STK32A: variants seen among roughly 807,000 people sequenced by gnomAD.
STK32A encodes the protein serine/threonine kinase 32A.
In STK32A, 41 loss-of-function variants were observed where a neutral mutation model predicts 53.2. The ratio of observed to expected loss-of-function variants is 0.77; its 90% CI spans 0.60 to 1.00. The LOEUF is 1.00. STK32A is among the 50% of genes least tolerant of loss of function. STK32A has a pLI of 0.00. For missense variants in STK32A, 458 were observed against 485.8 expected (o/e 0.94, Z 0.54); for synonymous variants, 166 against 162.8 (o/e 1.02, Z -0.15).
the STK32A span, chr5:147,400,755 T>C: frequency 5.0e-6 from 8 of 1,614,108 alleles, no homozygotes; most frequent in African/African-American, 1.3e-5. Context: ...CAGGAATGGC[T>C]GTGAAGTTGT....
chr5:147,317,212 A>G (rs1290762550), intron 4 of STK32A, among the ~76,000 whole-genome samples: 3 of 151,926 alleles, frequency 2.0e-5, no homozygotes, highest in Non-Finnish European at 4.4e-5. Flanking sequence ...ATTTTTACAA[A>G]CTACAAAGAA....
intron 7 of STK32A, among the ~76,000 whole-genome samples, chr5:147,353,334 A>C (rs1756072630): frequency 6.6e-6 from 1 of 152,250 alleles, no homozygotes; most frequent in African/African-American, 2.4e-5. Flanking sequence ...AAGCATCTAA[A>C]GTAAATGTAA....
At chr5:147,294,670 A>AT (rs945079471) in intron 4 of STK32A, among the ~76,000 whole-genome samples, 17 of 143,714 alleles carry the variant, frequency 1.2e-4, no homozygotes, top group South Asian at 1.0e-3. Context: ...ATATCTAGTC[A>AT]TTTTTTTTTT....
rs750459775 is a variant in STK32A at position 147,367,986 on chromosome 5, C to T, written c.661-2668C>T. Among the ~76,000 whole-genome samples the T allele has an allele frequency of 4.6e-5, 7 of 152,204 alleles. No individual in the cohort carries two copies. In the South Asian group the frequency reaches 6.2e-4, roughly 14 times the overall value. ...AGTGTGCTAAACAATTTCCTCCATA[C>T]GTACAAATTTTTATTTACAGAAAAG... On this transcript the variant is annotated intron_variant, in intron 8 of 12. Transcript: ENST00000397936.
intron 5 of STK32A, among the ~76,000 whole-genome samples, chr5:147,340,094 T>C (rs988869910): frequency 1.3e-5 from 2 of 152,220 alleles, no homozygotes; most frequent in Admixed American, 6.5e-5. Context: ...GAGTGTCTTT[T>C]AGCATGCTCA....
chr5:147,374,491 C>T (rs1378381029), intron 10 of STK32A, among the ~76,000 whole-genome samples: 33 of 151,996 alleles, frequency 2.2e-4, no homozygotes, highest in Admixed American at 6.6e-5. Context: ...CTTACCTCTC[C>T]GCTTTGTGGG....
chr5:147,286,477 C>A (rs533133379), intron 4 of STK32A, among the ~76,000 whole-genome samples: 1 of 152,082 alleles, frequency 6.6e-6, no homozygotes, highest in Admixed American at 6.6e-5. Flanking sequence ...TGGCTTACAC[C>A]CTGGTTTTTC....
chr5:147,269,887 T>C (rs934660391), intron 2 of STK32A, among the ~76,000 whole-genome samples: 1 of 152,234 alleles, frequency 6.6e-6, no homozygotes, highest in Non-Finnish European at 1.5e-5. Context: ...CGTGACTGCA[T>C]ACAGGGAGAT....
At chr5:147,358,299 A>T (rs1414744310) in intron 7 of STK32A, among the ~76,000 whole-genome samples, 2 of 152,176 alleles carry the variant, frequency 1.3e-5, no homozygotes, top group Non-Finnish European at 2.9e-5. Context: ...GTGGGTAAGG[A>T]TGTTCAACAA....
At chr5:147,375,321 C>T in intron 11 of STK32A, 103 bp downstream of exon 11, 1 of 1,427,734 alleles carries the variant, frequency 7.0e-7, no homozygotes, top group Non-Finnish European at 9.3e-7. Flanking sequence ...CCTGCTTTTG[C>T]TGCTTAGTGA....
At chr5:147,286,557 G>A (rs1182548607) in intron 4 of STK32A, among the ~76,000 whole-genome samples, 1 of 152,094 alleles carries the variant, frequency 6.6e-6, no homozygotes, top group Non-Finnish European at 1.5e-5. Flanking sequence ...TGAAACTGCT[G>A]TCTGGAATTT....
chr5:147,332,755 G>T (rs1438757631), intron 5 of STK32A, among the ~76,000 whole-genome samples: 2 of 152,278 alleles, frequency 1.3e-5, no homozygotes, highest in African/African-American at 2.4e-5. Context: ...AGGGTATTAG[G>T]TTGATGTGTT....
intron 4 of STK32A, among the ~76,000 whole-genome samples, chr5:147,305,815 G>A (rs1360762104): frequency 1.3e-5 from 2 of 151,630 alleles, no homozygotes; most frequent in African/African-American, 2.4e-5. Context: ...TGAGACTTTC[G>A]CAGAGTACTA....
At chr5:147,383,631 C>A in intron 12 of STK32A, 126 bp downstream of exon 12, 1 of 901,582 alleles carries the variant, frequency 1.1e-6, no homozygotes, top group Non-Finnish European at 1.7e-6. Flanking sequence ...ATGATGCAAT[C>A]TATTATAGAA....
chr5:147,310,598 C>T lies in STK32A; in HGVS notation c.261-13300C>T, dbSNP rs531140921. On this transcript the variant is annotated intron_variant, in intron 4 of 12. Transcript: ENST00000397936. ...AATCCCATCAGTGACCCAAGCTCTC[C>T]AACTTAGACTAGTTTCTCTGTGATC... Among the ~76,000 whole-genome samples, 40 of 152,314 alleles carry T rather than the reference C, an allele frequency of 2.6e-4. 1 individual carries two copies. The South Asian group carries it at 8.3e-3, about 32-fold the overall frequency.
At chr5:147,241,941 A>G (rs4705133) in intron 2 of STK32A, among the ~76,000 whole-genome samples, 1 of 151,992 alleles carries the variant, frequency 6.6e-6, no homozygotes, top group Non-Finnish European at 1.5e-5. Flanking sequence ...ACAGAAATGC[A>G]TAACTCTTCC....
chr5:147,344,036 G>A (rs1251052601), intron 6 of STK32A, among the ~76,000 whole-genome samples: 1 of 152,118 alleles, frequency 6.6e-6, no homozygotes, highest in Non-Finnish European at 1.5e-5. Flanking sequence ...GAATATCAGG[G>A]AAGATCTGCA....
chr5:147,239,592 C>A lies in STK32A; in HGVS notation c.-43C>A, dbSNP rs367740400. On this transcript the variant is annotated 5_prime_UTR_variant, in exon 2 of 13. Transcript: ENST00000397936. Reference sequence around the variant, plus strand: ...TTGAGCGAAGATGGGTGTTTCTGCCCGGATAGTATAAATCGAGGATCCAGG... The same window carrying A: ...TTGAGCGAAGATGGGTGTTTCTGCCAGGATAGTATAAATCGAGGATCCAGG... 1.3e-6 allele frequency: 2 copies of A among 1,518,952 alleles called. No homozygotes were observed. The highest frequency in any genetic ancestry group is 1.8e-6 in the Non-Finnish European group (2 of 1,113,244). 94.1% of individuals were successfully genotyped at this position (1,518,952 alleles called of 1,614,324 possible).
At chr5:147,253,756 T>C (rs1248910094) in intron 2 of STK32A, among the ~76,000 whole-genome samples, 1 of 152,238 alleles carries the variant, frequency 6.6e-6, no homozygotes, top group African/African-American at 2.4e-5. Flanking sequence ...GAGTCAGGAC[T>C]GTGCCTTAGT....
Sources: gnomAD v4.1 joint callset for allele counts (sites outside exome capture counted in the v4.1 genomes callset) on GRCh38, gnomAD v4.1.1 for gene constraint, MANE v1.5 for transcripts, NCBI Gene and HGNC (gene_info 2026-07-23, HGNC 2026-07-21) for gene names.